Variants in PPIL2 observed in about 807,000 individuals in gnomAD.
PPIL2 encodes peptidylprolyl isomerase like 2.
Under a neutral mutation model 75.2 loss-of-function variants are expected in PPIL2, and 50 were observed. The observed-to-expected ratio is 0.66, with a 90% CI of 0.53 to 0.84. The LOEUF is 0.84. Among genes scored for constraint, PPIL2 ranks in the 40% least tolerant of loss-of-function variants. The pLI is 0.00. For synonymous variants in PPIL2, 245 were observed against 258.8 expected (o/e 0.95, Z 0.51); for missense variants, 590 against 685.0 (o/e 0.86, Z 1.55).
chr22:21,690,343 C>T (rs1452993247), intron 15 of PPIL2, among the ~76,000 whole-genome samples: 1 of 151,566 alleles, frequency 6.6e-6, no homozygotes, highest in African/African-American at 2.4e-5. Context: ...AGGATCGCGC[C>T]ACTGCACTCT....
intron 2 of PPIL2, 88 bp from the exon 3 acceptor site, chr22:21,670,478 A>G: frequency 1.3e-6 from 2 of 1,498,844 alleles, no homozygotes; most frequent in Middle Eastern, 3.5e-4. Context: ...GAACTTTTTC[A>G]TAAGCTGTAA....
At chr22:21,679,542 C>T (rs62235098) in intron 6 of PPIL2, among the ~76,000 whole-genome samples, 45,926 of 151,828 alleles carry the variant, frequency 0.3, 7,210 homozygotes, top group Non-Finnish European at 0.35. Context: ...GTTGAGACTG[C>T]GTGAGCTGTG....
chr22:21,696,210 G>A lies in PPIL2; in HGVS notation c.*720G>A, dbSNP rs995422135. On this transcript the variant is annotated 3_prime_UTR_variant, in exon 20 of 20. Transcript: ENST00000398831. The stretch of plus-strand genomic sequence containing the variant: ...GGACGGCAGCATTGAGTTTCCTGCC[G>A]TGCCCTGCCTGAGCTCTCAGGGCCC... 34 of 1,002,684 alleles carry A rather than the reference G, an allele frequency of 3.4e-5. No homozygotes were observed. The highest frequency in any genetic ancestry group is 3.7e-5 in the Non-Finnish European group (31 of 839,584). The allele number at this position is 1,002,684 out of a possible 1,614,324, so 62.1% of individuals were successfully genotyped here.
intron 9 of PPIL2, 105 bp from the exon 10 acceptor site, chr22:21,684,648 G>A (rs1177094381): frequency 1.6e-5 from 22 of 1,413,480 alleles, no homozygotes; most frequent in African/African-American, 4.3e-5. Context: ...CGGTGCCTGC[G>A]CCATGGCTGG....
rs760956927 is a variant in PPIL2 at position 21,672,364 on chromosome 22, A to T, written c.226A>T (p.Asn76Tyr). The change falls in exon 5 of 20, where the codon AAC becomes TAC. Residue 76 changes from asparagine to tyrosine, a missense_variant. Transcript: ENST00000398831. ...TCCATGGCTTAAGAAGTACGGGACC[A>T]ACCCCAGCAATGGAGAGGTAGGTGG... Reference protein sequence around the residue: ...IVPWLKKYGTNPSNGEKLDGR... With the variant: ...IVPWLKKYGTYPSNGEKLDGR... 1.9e-6 allele frequency: 3 copies of T among 1,611,324 alleles called. No homozygotes were observed. The highest frequency in any genetic ancestry group is 2.2e-5 in the South Asian group (2 of 90,992).
At chr22:21,676,935 C>T (rs946688795) in intron 6 of PPIL2, among the ~76,000 whole-genome samples, 4 of 150,908 alleles carry the variant, frequency 2.7e-5, no homozygotes, top group South Asian at 2.1e-4. Context: ...AAGGGGCGGC[C>T]GGGCAGAGGC....
In PPIL2 at chr22:21,687,751, T is replaced by A. The variant is rs368606021; in HGVS notation, c.987+19T>A. ...CTTTGTGGTGAGTGACGAGAGTCACTGGCTGCACAGATGAGCTTGGTGGGA... is the reference window on the plus strand; with the variant it reads ...CTTTGTGGTGAGTGACGAGAGTCACAGGCTGCACAGATGAGCTTGGTGGGA... On this transcript the variant is annotated intron_variant, in intron 13 of 19. Transcript: ENST00000398831. The A allele has an allele frequency of 7.3e-5, 117 of 1,602,600 alleles. No individual in the cohort carries two copies. Among genetic ancestry groups the A allele is most frequent in the Non-Finnish European group, 9.9e-5 (116 of 1,169,920 alleles).
chr22:21,693,934 C>G, intron 16 of PPIL2, 62 bp downstream of exon 16: 1 of 1,486,544 alleles, frequency 6.7e-7, no homozygotes, highest in African/African-American at 1.4e-5. Flanking sequence ...CCTTCCCCAC[C>G]TGAGGCCTCC....
chr22:21,693,432 C>T (rs2067771799), intron 15 of PPIL2, among the ~76,000 whole-genome samples: 1 of 152,254 alleles, frequency 6.6e-6, no homozygotes, highest in South Asian at 2.1e-4. Flanking sequence ...TTGTTGCCTC[C>T]TTTCTCCTCA....
chr22:21,668,316 G>A (rs1400871663), intron 1 of PPIL2, among the ~76,000 whole-genome samples: 1 of 151,798 alleles, frequency 6.6e-6, no homozygotes, highest in Non-Finnish European at 1.5e-5. Context: ...CAACTGACCA[G>A]CATTAATGTT....
At chr22:21,671,104 A>C (rs1381451950) in intron 4 of PPIL2, 45 bp downstream of exon 4, 20 of 1,557,572 alleles carry the variant, frequency 1.3e-5, no homozygotes, top group Admixed American at 1.7e-5. Context: ...TGAGATTCTC[A>C]ACACCCATTA....
At chr22:21,685,636 A>C (rs1402227161) in intron 10 of PPIL2, 4 of 452,210 alleles carry the variant, frequency 8.8e-6, no homozygotes, top group African/African-American at 8.1e-5. Flanking sequence ...TTTTGGAAAC[A>C]GGATCTTGCT....
intron 15 of PPIL2, among the ~76,000 whole-genome samples, chr22:21,692,381 C>G (rs369713644): frequency 1.3e-5 from 2 of 151,396 alleles, no homozygotes; most frequent in Non-Finnish European, 2.9e-5. Flanking sequence ...GTCTCGATCT[C>G]CTGACCTTGT....
Position 21,695,046 on chromosome 22 carries a change from G to A in PPIL2, c.1442G>A (p.Gly481Asp). 1 of 1,610,302 alleles carries A rather than the reference G, an allele frequency of 6.2e-7. No homozygotes were observed. Among genetic ancestry groups the A allele is most frequent in the African/African-American group, 1.3e-5 (1 of 75,032 alleles). ...QGPQTFRQGV[G>D]KYINPAATKR... ...CCCCAGACCTTCCGCCAGGGCGTGG[G>A]CAAGTACATCAACCCAGCAGCCACG... Residue 481 changes from glycine (G) to aspartate (D), a missense_variant, in exon 19 of 20, where the codon GGC becomes GAC. By Grantham distance (94) the Gly-to-Asp change is moderately conservative. Transcript: ENST00000398831.
At chr22:21,695,122 G>T in intron 19 of PPIL2, 52 bp downstream of exon 19, 1 of 1,521,734 alleles carries the variant, frequency 6.6e-7, no homozygotes, top group Non-Finnish European at 8.8e-7. Flanking sequence ...TCCTAGGGCT[G>T]ACTGAGGTCT....
intron 6 of PPIL2, among the ~76,000 whole-genome samples, chr22:21,679,230 T>C (rs1253171138): frequency 1.3e-5 from 2 of 151,816 alleles, no homozygotes; most frequent in African/African-American, 2.4e-5. Flanking sequence ...TTTGTAGAGA[T>C]GAGGTTTCCC....
intron 1 of PPIL2, among the ~76,000 whole-genome samples, chr22:21,668,056 C>T (rs1158853382): frequency 2.0e-5 from 3 of 151,748 alleles, no homozygotes; most frequent in Non-Finnish European, 4.4e-5. Context: ...GGATTACAGG[C>T]GTGAGCCACC....
intron 2 of PPIL2, 195 bp from the exon 3 acceptor site, chr22:21,670,371 T>C: frequency 6.6e-7 from 1 of 1,504,738 alleles, no homozygotes; most frequent in Non-Finnish European, 8.9e-7. Flanking sequence ...GTATGCACTT[T>C]TCCCAGTAAG....
At chr22:21,687,571 A>T (rs2148554620) in intron 12 of PPIL2, 72 bp from the exon 13 acceptor site, 1 of 763,734 alleles carries the variant, frequency 1.3e-6, no homozygotes, top group East Asian at 3.6e-5. Flanking sequence ...AAAAAAAAAA[A>T]GCCTCCTGTG....
Sources: gnomAD v4.1 joint callset for allele counts (sites outside exome capture counted in the v4.1 genomes callset) on GRCh38, gnomAD v4.1.1 for gene constraint, MANE v1.5 for transcripts, NCBI Gene and HGNC (gene_info 2026-07-23, HGNC 2026-07-21) for gene names.